SLC26A7: variants seen among roughly 807,000 people sequenced by gnomAD.
SLC26A7 encodes the protein solute carrier family 26 member 7.
SLC26A7 carries 59 observed loss-of-function variants against 82.5 expected under a neutral mutation model. The observed-to-expected ratio is 0.72, with a 90% CI of 0.58 to 0.89. SLC26A7 has a LOEUF of 0.89. Ranked by LOEUF, SLC26A7 falls within the 40% of genes least tolerant of loss-of-function variation. The probability of loss-of-function intolerance (pLI) is 0.00; values close to 1 mark genes in which losing one functional copy is unlikely to be tolerated. For synonymous variants in SLC26A7, 271 were observed against 274.3 expected (o/e 0.99, Z 0.12); for missense variants, 820 against 793.0 (o/e 1.03, Z -0.41).
chr8:91,374,607 G>A (rs889979629), intron 15 of SLC26A7, among the ~76,000 whole-genome samples: 5 of 151,744 alleles, frequency 3.3e-5, no homozygotes, highest in African/African-American at 1.2e-4. Flanking sequence ...GATATGATTT[G>A]ATTTTTTTTT....
At chr8:91,391,458 C>G (rs1281821992) in intron 16 of SLC26A7, among the ~76,000 whole-genome samples, 1 of 152,206 alleles carries the variant, frequency 6.6e-6, no homozygotes, top group Non-Finnish European at 1.5e-5. Flanking sequence ...CGCCCTTTCT[C>G]CCCACCGAAT....
chr8:91,393,352 T>G (rs1425666804), intron 16 of SLC26A7, among the ~76,000 whole-genome samples: 1 of 152,120 alleles, frequency 6.6e-6, no homozygotes. Context: ...TGGATTATAG[T>G]GAGGTTCTCA....
chr8:91,240,285 T>G (rs1810456376), intron 2 of SLC26A7, among the ~76,000 whole-genome samples: 1 of 152,216 alleles, frequency 6.6e-6, no homozygotes, highest in South Asian at 2.1e-4. Context: ...TTACTGCTAG[T>G]AATATAGTGA....
intron 2 of SLC26A7, among the ~76,000 whole-genome samples, chr8:91,280,295 C>T (rs1240889204): frequency 6.6e-6 from 1 of 152,196 alleles, no homozygotes; most frequent in Non-Finnish European, 1.5e-5. Context: ...TGGGAAGCCT[C>T]CCAACATATG....
rs76085833 is a variant in SLC26A7 at position 91,270,271 on chromosome 8, G to A, written c.194-18865G>A. On this transcript the variant is annotated intron_variant, in intron 2 of 18. Coordinates refer to ENST00000276609, the MANE Select transcript of SLC26A7 (RefSeq NM_052832.4). ...ACTTAATATTGGAACTTAATCGCAG[G>A]CCTGCTATTCCTTTCCATTCTGGGG... 7.0e-3 allele frequency among the ~76,000 whole-genome samples: 1,070 copies of A among 152,234 alleles called. 10 individuals carry two copies. The highest frequency in any genetic ancestry group is 0.025 in the African/African-American group (1,021 of 41,538).
intron 2 of SLC26A7, among the ~76,000 whole-genome samples, chr8:91,272,916 G>A (rs1241866080): frequency 6.6e-6 from 1 of 152,134 alleles, no homozygotes; most frequent in African/African-American, 2.4e-5. Flanking sequence ...GGAAAATAAA[G>A]CATGTTATCT....
In SLC26A7 at chr8:91,387,534, G is replaced by A. The variant is rs541040336; in HGVS notation, c.1676-1804G>A. 2.0e-5 allele frequency among the ~76,000 whole-genome samples: 3 copies of A among 152,316 alleles called. No homozygotes were observed. In the South Asian group the frequency reaches 6.2e-4, roughly 32 times the overall value. ...CTCATTAAATGGTTGAATGGGAGCA[G>A]AGGGAGTTTGAGATCTTAAGCTGTC... On this transcript the variant is annotated intron_variant, in intron 15 of 18. Coordinates refer to ENST00000276609, the MANE Select transcript of SLC26A7 (RefSeq NM_052832.4).
intron 2 of SLC26A7, among the ~76,000 whole-genome samples, chr8:91,282,970 G>C (rs540923675): frequency 1.3e-5 from 2 of 152,090 alleles, no homozygotes; most frequent in South Asian, 2.1e-4. Context: ...TCTCCTTTTT[G>C]TAAGACTAAC....
chr8:91,312,507 A>G (rs1432062985), intron 4 of SLC26A7, among the ~76,000 whole-genome samples: 1 of 152,116 alleles, frequency 6.6e-6, no homozygotes, highest in South Asian at 2.1e-4. Context: ...TTCTATTTTT[A>G]ATATTTTGAG....
chr8:91,316,700 T>C (rs2130806002), intron 4 of SLC26A7, among the ~76,000 whole-genome samples: 1 of 151,594 alleles, frequency 6.6e-6, no homozygotes, highest in African/African-American at 2.4e-5. Context: ...CATTTTCTAG[T>C]GCTTATACTT....
intron 9 of SLC26A7, among the ~76,000 whole-genome samples, chr8:91,348,649 G>A (rs912221543): frequency 6.6e-6 from 1 of 151,902 alleles, no homozygotes; most frequent in African/African-American, 2.4e-5. Flanking sequence ...GTAATTGTGT[G>A]AACACTTTAA....
At chr8:91,285,471 G>T (rs952645799) in intron 2 of SLC26A7, among the ~76,000 whole-genome samples, 4 of 152,352 alleles carry the variant, frequency 2.6e-5, no homozygotes, top group Non-Finnish European at 4.4e-5. Context: ...TCCACGATGA[G>T]CTCATCTTAA....
rs775737061 is a variant in SLC26A7, at chr8:91,249,764, C to T, written c.113C>T (p.Ala38Val). 1.3e-5 allele frequency: 21 copies of T among 1,612,358 alleles called. No homozygotes were observed. In the South Asian group the frequency reaches 1.7e-4, roughly 13 times the overall value. The change falls in exon 2 of 19, where the codon GCA (alanine) becomes GTA (valine). Residue 38 changes from alanine to valine, a missense_variant. Coordinates refer to ENST00000276609, the MANE Select transcript of SLC26A7 (RefSeq NM_052832.4). ...AGGCGACTGCCCATTTTGGATTGGGCACCACATTACAATCTGAAAGAAAAC... is the reference window on the plus strand; with the variant it reads ...AGGCGACTGCCCATTTTGGATTGGGTACCACATTACAATCTGAAAGAAAAC... The part of the protein sequence containing the change: ...CRRRLPILDW[A>V]PHYNLKENLL...
chr8:91,355,644 T>C (rs1441282637), intron 11 of SLC26A7, among the ~76,000 whole-genome samples: 1 of 152,038 alleles, frequency 6.6e-6, no homozygotes, highest in Non-Finnish European at 1.5e-5. Context: ...CATTCCTTCT[T>C]TGAATTTTTA....
rs79176010 is a variant in SLC26A7 at position 91,374,278 on chromosome 8, G to A, written c.1675+4445G>A. Among the ~76,000 whole-genome samples the A allele has an allele frequency of 3.5e-4, 53 of 150,648 alleles. No individual in the cohort carries two copies. The East Asian group carries it at 8.8e-3, about 25-fold the overall frequency. The stretch of plus-strand genomic sequence containing the variant: ...CATCTGCTAGCTTTGGGTTTGATTT[G>A]TTCTTATTTGTCTAGTTCCTTTGGG... On this transcript the variant is annotated intron_variant, in intron 15 of 18. Transcript: ENST00000276609.
At chr8:91,219,922 C>A (rs1265274681) in intron 2 of SLC26A7, among the ~76,000 whole-genome samples, 1 of 152,166 alleles carries the variant, frequency 6.6e-6, no homozygotes, top group African/African-American at 2.4e-5. Context: ...TTAAACCCCA[C>A]CAGAAATCTA....
At chr8:91,291,151 A>T (rs929457496) in intron 3 of SLC26A7, among the ~76,000 whole-genome samples, 1 of 152,160 alleles carries the variant, frequency 6.6e-6, no homozygotes, top group Non-Finnish European at 1.5e-5. Context: ...AGCTTTACAT[A>T]TGTTATTTTA....
intron 2 of SLC26A7, among the ~76,000 whole-genome samples, chr8:91,259,366 T>A (rs1810897727): frequency 6.6e-6 from 1 of 152,100 alleles, no homozygotes; most frequent in Non-Finnish European, 1.5e-5. Flanking sequence ...TTTATTCTGC[T>A]CAGCTCTAGA....
intron 2 of SLC26A7, among the ~76,000 whole-genome samples, chr8:91,266,551 A>C (rs1811118858): frequency 6.6e-6 from 1 of 151,882 alleles, no homozygotes; most frequent in Admixed American, 6.6e-5. Context: ...TGTAGCATAT[A>C]AAATGCTTTT....
Sources: allele counts gnomAD v4.1 joint callset (sites outside exome capture counted in the v4.1 genomes callset), GRCh38; gene constraint gnomAD v4.1.1; transcripts MANE v1.5; gene names NCBI Gene and HGNC (gene_info 2026-07-23, HGNC 2026-07-21).